PLXNA4: variants seen among roughly 807,000 people sequenced by gnomAD.
The protein encoded by PLXNA4 is plexin A4.
A neutral mutation model predicts 191.8 loss-of-function variants in PLXNA4; 44 were observed. That is an observed-to-expected ratio of 0.23 (90% confidence interval 0.18 to 0.29). The LOEUF is 0.29. Ranked by LOEUF, PLXNA4 falls within the 10% of genes least tolerant of loss-of-function variation. The pLI, the probability that PLXNA4 is intolerant of heterozygous loss-of-function variation, is 1.00. For missense variants in PLXNA4, 1,800 were observed against 2,488.8 expected (o/e 0.72, Z 5.89); for synonymous variants, 1,082 against 1,009.5 (o/e 1.07, Z -1.36).
At position 132,228,393 on chromosome 7, in the gene PLXNA4, G is replaced by T. The variant is rs746217475; in HGVS notation, c.1681C>A (p.Leu561Met). The T allele has an allele frequency of 6.2e-7, 1 of 1,614,152 alleles. No individual in the cohort carries two copies. Among genetic ancestry groups the T allele is most frequent in the South Asian group, 1.1e-5 (1 of 91,078 alleles). ...GAGATATTGTTGGGATGGACCGTCAGCCGGACACACTGCTTCATCTCCGAG... is the reference window on the plus strand; with the variant it reads ...GAGATATTGTTGGGATGGACCGTCATCCGGACACACTGCTTCATCTCCGAG... ...FASEMKQCVRLTVHPNNISVS... is the reference protein window; with the variant it reads ...FASEMKQCVRMTVHPNNISVS... Residue 561 changes from leucine (L) to methionine (M), a missense_variant, in exon 6 of 32, where the codon CTG (leucine) becomes ATG (methionine). Physicochemically the swap from Leu to Met is conservative, Grantham distance 15 (BLOSUM62 2). Coordinates refer to ENST00000321063, the MANE Select transcript of PLXNA4 (RefSeq NM_020911.2).
intron 2 of PLXNA4, among the ~76,000 whole-genome samples, chr7:132,619,554 A>T (rs1256725741): frequency 6.6e-6 from 1 of 152,262 alleles, no homozygotes. Flanking sequence ...TGAATTGACT[A>T]AATGTTTTGT....
At chr7:132,318,705 A>G (rs1161474126) in intron 3 of PLXNA4, among the ~76,000 whole-genome samples, 1 of 143,932 alleles carries the variant, frequency 6.9e-6, no homozygotes, top group African/African-American at 2.6e-5. Flanking sequence ...CCCCACTCCA[A>G]TCTCATCTGT....
At chr7:132,402,517 GA>G (rs1794032625) in intron 3 of PLXNA4, among the ~76,000 whole-genome samples, 1 of 152,158 alleles carries the variant, frequency 6.6e-6, no homozygotes, top group Non-Finnish European at 1.5e-5. Flanking sequence ...ACACAGGGGA[GA>G]GGGGCAGTGT....
chr7:132,501,230 G>A (rs140797804), intron 2 of PLXNA4, among the ~76,000 whole-genome samples: 72 of 152,304 alleles, frequency 4.7e-4, no homozygotes, highest in African/African-American at 1.7e-3. Context: ...GTGTGAGTGA[G>A]TGAGCAAGAG....
chr7:132,566,693 A>G (rs1314961269), intron 1 of PLXNA4, among the ~76,000 whole-genome samples: 2 of 152,202 alleles, frequency 1.3e-5, no homozygotes, highest in East Asian at 1.9e-4. Context: ...TGCAACCAAA[A>G]AGTGCCACTT....
chr7:132,140,505 CA>C (rs1380984905), intron 30 of PLXNA4, 93 bp downstream of exon 30: 5 of 1,511,898 alleles, frequency 3.3e-6, no homozygotes, highest in Non-Finnish European at 4.4e-6. Flanking sequence ...CATCTGGAAA[CA>C]CAGCTGGTTT....
intron 3 of PLXNA4, among the ~76,000 whole-genome samples, chr7:132,308,512 T>G (rs1801610548): frequency 6.6e-6 from 1 of 152,192 alleles, no homozygotes; most frequent in Admixed American, 6.5e-5. Context: ...TTCTGACACC[T>G]GGCAGATGGA....
At chr7:132,278,167 A>G (rs1800346488) in intron 4 of PLXNA4, among the ~76,000 whole-genome samples, 1 of 152,232 alleles carries the variant, frequency 6.6e-6, no homozygotes, top group Admixed American at 6.5e-5. Context: ...CTGTTCTATG[A>G]ACACATGTCA....
chr7:132,471,709 T>C (rs767349315), intron 3 of PLXNA4, among the ~76,000 whole-genome samples: 42 of 152,192 alleles, frequency 2.8e-4, no homozygotes, highest in Non-Finnish European at 5.1e-4. Flanking sequence ...AGACCACAGA[T>C]GCCTTGGAGT....
intron 20 of PLXNA4, among the ~76,000 whole-genome samples, chr7:132,178,841 T>TAC (rs1230708142): frequency 0.067 from 2,792 of 41,798 alleles, 291 homozygotes; most frequent in South Asian, 0.26. Flanking sequence ...CACATACACA[T>TAC]ATATACACAC....
chr7:132,245,948 G>A (rs1799035171), intron 4 of PLXNA4, among the ~76,000 whole-genome samples: 1 of 152,198 alleles, frequency 6.6e-6, no homozygotes, highest in African/African-American at 2.4e-5. Flanking sequence ...GGAATAAGGA[G>A]TTACTCTTTA....
At chr7:132,329,972 G>C (rs569912573) in intron 3 of PLXNA4, among the ~76,000 whole-genome samples, 7 of 152,328 alleles carry the variant, frequency 4.6e-5, no homozygotes, top group Non-Finnish European at 8.8e-5. Context: ...CCCTGTCTAA[G>C]AGACCTTAAC....
chr7:132,257,394 A>C (rs989977079), intron 4 of PLXNA4, among the ~76,000 whole-genome samples: 1 of 152,188 alleles, frequency 6.6e-6, no homozygotes, highest in African/African-American at 2.4e-5. Flanking sequence ...AAGGCTCTCT[A>C]TCATCTGGGG....
At chr7:132,300,175 A>G (rs1801251576) in intron 3 of PLXNA4, among the ~76,000 whole-genome samples, 1 of 152,240 alleles carries the variant, frequency 6.6e-6, no homozygotes, top group South Asian at 2.1e-4. Context: ...ACCCAGGTAC[A>G]TTAAACAAGT....
intron 30 of PLXNA4, among the ~76,000 whole-genome samples, chr7:132,135,137 A>T (rs1375332601): frequency 6.6e-6 from 1 of 152,154 alleles, no homozygotes; most frequent in Non-Finnish European, 1.5e-5. Context: ...TAGGGATCCC[A>T]TGTCTACCAA....
chr7:132,593,671 C>T lies in PLXNA4; in HGVS notation c.-87+52257G>A, dbSNP rs1473870244. 2.6e-5 allele frequency among the ~76,000 whole-genome samples: 4 copies of T among 152,234 alleles called. No individual in the cohort carries two copies. The South Asian group carries it at 6.2e-4, about 24-fold the overall frequency. ...ATTCCAGGGACCAAGTCACAGGCAG[C>T]AGGTCTCACTGGCTCAGCCTAAGGC... is the stretch of plus-strand genomic sequence containing the variant. On this transcript the variant is annotated intron_variant, in intron 2 of 4. Coordinates refer to the PLXNA4 transcript ENST00000378539.
intron 4 of PLXNA4, among the ~76,000 whole-genome samples, chr7:132,246,041 C>G (rs1273506132): frequency 6.6e-6 from 1 of 152,172 alleles, no homozygotes; most frequent in Non-Finnish European, 1.5e-5. Context: ...TGTGAGTGTA[C>G]TTACAAATGC....
chr7:132,521,192 A>G (rs1160047687), intron 1 of PLXNA4, among the ~76,000 whole-genome samples: 2 of 151,882 alleles, frequency 1.3e-5, no homozygotes, highest in East Asian at 3.9e-4. Flanking sequence ...AAAAAAAAAA[A>G]AAAAAAAAAA....
intron 25 of PLXNA4, among the ~76,000 whole-genome samples, 197 bp from the exon 26 acceptor site, chr7:132,148,843 C>A (rs1057265742): frequency 2.0e-5 from 3 of 152,154 alleles, no homozygotes; most frequent in Admixed American, 2.0e-4. Context: ...GTTCTAAGCC[C>A]AACAAACTAT....
Sources: gnomAD v4.1 joint callset for allele counts (sites outside exome capture counted in the v4.1 genomes callset) on GRCh38, gnomAD v4.1.1 for gene constraint, MANE v1.5 for transcripts, NCBI Gene and HGNC (gene_info 2026-07-23, HGNC 2026-07-21) for gene names.